Variants in GRID2 observed in about 807,000 individuals in gnomAD.
GRID2 encodes glutamate receptor ionotropic, delta-2.
Under a neutral mutation model 114.8 loss-of-function variants are expected in GRID2, and 33 were observed. The ratio of observed to expected loss-of-function variants is 0.29; its 90% CI spans 0.22 to 0.38. The LOEUF (loss-of-function observed/expected upper bound fraction) is 0.38, where lower values mean the gene tolerates loss of function less well. Among genes scored for constraint, GRID2 ranks in the 10% least tolerant of loss-of-function variants. The probability of loss-of-function intolerance (pLI) is 1.00; values close to 1 mark genes in which losing one functional copy is unlikely to be tolerated. For missense variants in GRID2, 1,184 were observed against 1,257.7 expected, an observed-to-expected ratio of 0.94 and a Z score of 0.89; for synonymous variants, 505 against 449.9, an observed-to-expected ratio of 1.12 and a Z score of -1.55.
intron 2 of GRID2, among the ~76,000 whole-genome samples, chr4:92,914,269 T>C (rs1748617658): frequency 1.3e-5 from 2 of 152,144 alleles, no homozygotes; most frequent in South Asian, 4.1e-4. Context: ...CAATAGTCTA[T>C]TGGGTAAAAT....
At chr4:92,810,257 G>A (rs1158526521) in intron 2 of GRID2, among the ~76,000 whole-genome samples, 1 of 145,316 alleles carries the variant, frequency 6.9e-6, no homozygotes, top group Non-Finnish European at 1.5e-5. Context: ...TTTTTTTTTT[G>A]CAAATTTCAC....
chr4:92,471,758 A>G (rs942658624), intron 1 of GRID2, among the ~76,000 whole-genome samples: 1 of 151,936 alleles, frequency 6.6e-6, no homozygotes, highest in African/African-American at 2.4e-5. Context: ...CTTCTCACCC[A>G]CACTTCCTGA....
intron 2 of GRID2, among the ~76,000 whole-genome samples, chr4:92,833,327 A>G (rs996890805): frequency 6.6e-6 from 1 of 152,228 alleles, no homozygotes; most frequent in Non-Finnish European, 1.5e-5. Context: ...AAGTTATACA[A>G]GACTCTGGGA....
intron 1 of GRID2, among the ~76,000 whole-genome samples, chr4:92,536,083 A>C (rs62307821): frequency 0.19 from 28,443 of 152,192 alleles, 2,920 homozygotes; most frequent in African/African-American, 0.28. Context: ...AAGCCTCCAC[A>C]GCAAGGAAAG....
intron 1 of GRID2, among the ~76,000 whole-genome samples, chr4:92,334,586 G>GT (rs571631033): frequency 1.5e-3 from 219 of 145,516 alleles, no homozygotes; most frequent in African/African-American, 3.6e-3. Flanking sequence ...GTCTCAACTC[G>GT]TTTTTTTTTT....
rs556119761 is a variant in GRID2, at chr4:92,581,190, C to T, written c.89-8941C>T. ...ATATTTGAGCTTTCACTGTCCAGTC[C>T]CCCCACCCTTTTTTTTTTTTTTTTA... On this transcript the variant is annotated intron_variant, in intron 1 of 15. Transcript: ENST00000282020. Among the ~76,000 whole-genome samples, 121 of 150,780 alleles carry T rather than the reference C, an allele frequency of 8.0e-4. 2 individuals are homozygous for T. The East Asian group carries it at 0.021, about 26-fold the overall frequency.
At chr4:93,552,379 C>T (rs1466884957) in intron 13 of GRID2, among the ~76,000 whole-genome samples, 1 of 152,086 alleles carries the variant, frequency 6.6e-6, no homozygotes, top group Non-Finnish European at 1.5e-5. Flanking sequence ...TTTTATAATC[C>T]TTTGGGTATA....
intron 2 of GRID2, among the ~76,000 whole-genome samples, chr4:92,874,517 C>T (rs1169682094): frequency 2.0e-5 from 3 of 152,072 alleles, no homozygotes; most frequent in African/African-American, 7.2e-5. Flanking sequence ...TTCAATATGA[C>T]TTTTACAACA....
In GRID2 at chr4:93,179,302, G is replaced by A. The variant is rs751913054; in HGVS notation, c.736-28102G>A. Among the ~76,000 whole-genome samples the A allele has an allele frequency of 5.9e-5, 9 of 152,080 alleles. No homozygotes were observed. In the South Asian group the frequency reaches 6.2e-4, roughly 10 times the overall value. ...AAAGCTAGTATATCTTCTTGTCTTC[G>A]TAGTAACTGTATCTTTTCTACAAAG... On this transcript the variant is annotated intron_variant, in intron 4 of 15. Coordinates refer to ENST00000282020, the MANE Select transcript of GRID2 (RefSeq NM_001510.4).
intron 2 of GRID2, among the ~76,000 whole-genome samples, chr4:92,902,690 G>C (rs1286640990): frequency 2.0e-5 from 3 of 151,998 alleles, no homozygotes; most frequent in Non-Finnish European, 2.9e-5. Flanking sequence ...TAGGGGTCCA[G>C]TTTTATCCTT....
chr4:93,446,228 C>T (rs1361559916), intron 10 of GRID2, among the ~76,000 whole-genome samples: 3 of 152,014 alleles, frequency 2.0e-5, no homozygotes, highest in Non-Finnish European at 4.4e-5. Flanking sequence ...TCCAGGGTTC[C>T]TGGCACAGCA....
intron 4 of GRID2, among the ~76,000 whole-genome samples, chr4:93,205,001 C>T (rs535471517): frequency 1.3e-5 from 2 of 151,860 alleles, no homozygotes; most frequent in Non-Finnish European, 2.9e-5. Context: ...AGTGGTTTAC[C>T]CCCTTGTACA....
At chr4:92,844,612 G>A (rs750348860) in intron 2 of GRID2, among the ~76,000 whole-genome samples, 9 of 150,212 alleles carry the variant, frequency 6.0e-5, no homozygotes, top group Non-Finnish European at 1.2e-4. Context: ...ATTGATTGTA[G>A]CCTTTCTTGT....
intron 1 of GRID2, among the ~76,000 whole-genome samples, chr4:92,513,023 C>T (rs1443184092): frequency 1.3e-5 from 2 of 151,846 alleles, no homozygotes; most frequent in East Asian, 2.0e-4. Flanking sequence ...TAGAATGGCT[C>T]CTAGAGAATA....
chr4:93,410,715 C>G (rs972440390), intron 9 of GRID2, among the ~76,000 whole-genome samples: 1 of 152,226 alleles, frequency 6.6e-6, no homozygotes, highest in Non-Finnish European at 1.5e-5. Context: ...TCCCAAGTAG[C>G]TGGGATTACA....
At chr4:93,335,924 C>T (rs1050950637) in intron 8 of GRID2, among the ~76,000 whole-genome samples, 6 of 152,190 alleles carry the variant, frequency 3.9e-5, no homozygotes, top group Non-Finnish European at 8.8e-5. Context: ...TGGGCTCAAG[C>T]GATCTGCTCA....
At chr4:93,314,143 A>G (rs908002685) in intron 8 of GRID2, among the ~76,000 whole-genome samples, 2 of 151,846 alleles carry the variant, frequency 1.3e-5, no homozygotes, top group Non-Finnish European at 2.9e-5. Flanking sequence ...CATCCCTACT[A>G]AAAATACAAA....
intron 2 of GRID2, among the ~76,000 whole-genome samples, chr4:92,695,516 A>G (rs1417495200): frequency 6.6e-6 from 1 of 152,162 alleles, no homozygotes; most frequent in Non-Finnish European, 1.5e-5. Flanking sequence ...GAACAACTGT[A>G]AAGAGTTCCA....
At position 93,782,892 on chromosome 4, in the gene GRID2, T is replaced by TAC. The variant is rs57202855; in HGVS notation, c.221+13472_221+13473dup. On this transcript the variant is annotated intron_variant, in intron 1 of 1. Transcript: ENST00000637838. The stretch of plus-strand genomic sequence containing the variant: ...CTTTTAAAATATAAACCATGAATCA[T>TAC]ACACACACACACACACACACACACA... Among the ~76,000 whole-genome samples, 266 of 149,954 alleles carry TAC rather than the reference T, an allele frequency of 1.8e-3. 1 individual carries two copies. Among genetic ancestry groups the TAC allele is most frequent in the Middle Eastern group, 6.9e-3 (2 of 288 alleles).
Sources: allele counts gnomAD v4.1 joint callset (sites outside exome capture counted in the v4.1 genomes callset), GRCh38; gene constraint gnomAD v4.1.1; transcripts MANE v1.5; gene names NCBI Gene and HGNC (gene_info 2026-07-23, HGNC 2026-07-21).